AGFG1: variants seen among roughly 807,000 people sequenced by gnomAD.
The protein encoded by AGFG1 is ArfGAP with FG repeats 1.
A neutral mutation model predicts 60.6 loss-of-function variants in AGFG1; 10 were observed. The ratio of observed to expected loss-of-function variants is 0.16; its 90% CI spans 0.10 to 0.28. The LOEUF is 0.28. Among genes scored for constraint, AGFG1 ranks in the 10% least tolerant of loss-of-function variants. The probability of loss-of-function intolerance (pLI) is 1.00; values close to 1 mark genes in which losing one functional copy is unlikely to be tolerated. For missense variants in AGFG1, 537 were observed against 676.5 expected (o/e 0.79, Z 2.29); for synonymous variants, 247 against 242.9 (o/e 1.02, Z -0.16).
intron 2 of AGFG1, among the ~76,000 whole-genome samples, chr2:227,492,141 C>A (rs1369841036): frequency 6.6e-6 from 1 of 151,784 alleles, no homozygotes; most frequent in African/African-American, 2.4e-5. Context: ...TCATGGGGAG[C>A]CAGATGGTAT....
At chr2:227,537,319 A>T (rs545105544) in intron 10 of AGFG1, among the ~76,000 whole-genome samples, 1 of 152,284 alleles carries the variant, frequency 6.6e-6, no homozygotes, top group South Asian at 2.1e-4. Context: ...ATTTAGATGT[A>T]TTTGGTGGTC....
chr2:227,473,583 G>T (rs896887691), intron 1 of AGFG1, among the ~76,000 whole-genome samples: 3 of 152,220 alleles, frequency 2.0e-5, no homozygotes. Flanking sequence ...TTTTATTGCC[G>T]TGCAATTTCA....
At chr2:227,489,876 C>G (rs1690750500) in intron 1 of AGFG1, among the ~76,000 whole-genome samples, 1 of 151,492 alleles carries the variant, frequency 6.6e-6, no homozygotes, top group Non-Finnish European at 1.5e-5. Context: ...AGTGCAGTGG[C>G]ACGATCTTGG....
At chr2:227,547,315 ATTGCTGCTGAT>A (rs1433742126) in intron 10 of AGFG1, among the ~76,000 whole-genome samples, 1 of 151,938 alleles carries the variant, frequency 6.6e-6, no homozygotes, top group African/African-American at 2.4e-5. Flanking sequence ...TGTTTATAGA[ATTGCTGCTGAT>A]TTGCTCTCCT....
intron 2 of AGFG1, among the ~76,000 whole-genome samples, chr2:227,498,225 C>G: frequency 6.6e-6 from 1 of 151,928 alleles, no homozygotes; most frequent in East Asian, 1.9e-4. Flanking sequence ...CCAGTTGATT[C>G]CTAAACACAG....
rs140663629 is a variant in AGFG1 at position 227,503,650 on chromosome 2, A to G, written c.261+12010A>G. 1.4e-3 allele frequency among the ~76,000 whole-genome samples: 208 copies of G among 152,332 alleles called. 2 individuals carry two copies. The highest frequency in any genetic ancestry group is 9.8e-3 in the Admixed American group (150 of 15,302). On this transcript the variant is annotated intron_variant, in intron 2 of 12. Coordinates refer to ENST00000310078, the MANE Select transcript of AGFG1 (RefSeq NM_004504.5). Reference sequence around the variant, plus strand: ...CTCAGTCACCTTTGACCAGCTGCCCAAATTGAGATGACTGGGCTCTTTGGG... The same window carrying G: ...CTCAGTCACCTTTGACCAGCTGCCCGAATTGAGATGACTGGGCTCTTTGGG...
At position 227,472,371 on chromosome 2, in the gene AGFG1, A is replaced by C. The variant is rs1372411333; in HGVS notation, c.-51A>C. 1.1e-5 allele frequency: 12 copies of C among 1,139,718 alleles called. No individual in the cohort carries two copies. Among genetic ancestry groups the C allele is most frequent in the Non-Finnish European group, 1.3e-5 (12 of 918,664 alleles). The allele number at this position is 1,139,718 out of a possible 1,614,324, so 70.6% of individuals were successfully genotyped here. On this transcript the variant is annotated 5_prime_UTR_variant, in exon 1 of 13. Coordinates refer to ENST00000310078, the MANE Select transcript of AGFG1 (RefSeq NM_004504.5). ...CCGTGGGACCGCGGGCCCCCGGCGC[A>C]GCGCTGCCCGGCTCCCGGCCCTGCC...
At chr2:227,473,482 C>T (rs1243550563) in intron 1 of AGFG1, among the ~76,000 whole-genome samples, 6 of 152,112 alleles carry the variant, frequency 3.9e-5, no homozygotes, top group East Asian at 3.9e-4. Flanking sequence ...AGCAAGTCAC[C>T]ATGATTTCAG....
chr2:227,514,781 C>A (rs1691605617), intron 2 of AGFG1, among the ~76,000 whole-genome samples: 2 of 152,288 alleles, frequency 1.3e-5, no homozygotes, highest in South Asian at 4.1e-4. Flanking sequence ...TCCATTGTTG[C>A]ATATAATTCC....
intron 2 of AGFG1, among the ~76,000 whole-genome samples, chr2:227,506,975 A>T (rs1399379735): frequency 1.3e-5 from 2 of 152,104 alleles, no homozygotes; most frequent in South Asian, 2.1e-4. Context: ...CCACTATTTC[A>T]TAGGTTGTGT....
intron 5 of AGFG1, among the ~76,000 whole-genome samples, chr2:227,529,737 G>A (rs991853239): frequency 6.6e-6 from 1 of 151,946 alleles, no homozygotes; most frequent in African/African-American, 2.4e-5. Flanking sequence ...TATACTGTAG[G>A]ATCTAAACCC....
intron 10 of AGFG1, among the ~76,000 whole-genome samples, chr2:227,540,079 G>A (rs944687830): frequency 6.6e-6 from 1 of 152,000 alleles, no homozygotes; most frequent in East Asian, 1.9e-4. Flanking sequence ...CAAATGATCT[G>A]CCTGCCTCGG....
chr2:227,545,334 C>T (rs929361238), intron 10 of AGFG1, among the ~76,000 whole-genome samples: 1 of 152,182 alleles, frequency 6.6e-6, no homozygotes, highest in Non-Finnish European at 1.5e-5. Context: ...CTTCCCTACG[C>T]TGTTTATTTT....
intron 1 of AGFG1, among the ~76,000 whole-genome samples, chr2:227,486,094 A>G (rs894611145): frequency 1.3e-5 from 2 of 152,116 alleles, no homozygotes; most frequent in Admixed American, 1.3e-4. Context: ...TTTATTTCCC[A>G]TCCAGGGTCT....
chr2:227,555,384 T>C lies in AGFG1; in HGVS notation c.*889T>C, dbSNP rs897237770. Reference sequence around the variant, plus strand: ...ATTAATTTTGTGAAATTTGTATATATGAAGAATTTGCATGTATGTGTATTT... The same window carrying C: ...ATTAATTTTGTGAAATTTGTATATACGAAGAATTTGCATGTATGTGTATTT... On this transcript the variant is annotated 3_prime_UTR_variant, in exon 13 of 13. Transcript: ENST00000310078. The C allele has an allele frequency of 1.3e-5, 2 of 152,618 alleles. No homozygotes were observed. Among genetic ancestry groups the C allele is most frequent in the African/African-American group, 4.8e-5 (2 of 41,456 alleles). 9.5% of individuals were successfully genotyped at this position (152,618 alleles called of 1,614,324 possible).
At chr2:227,486,132 G>A (rs1471389595) in intron 1 of AGFG1, among the ~76,000 whole-genome samples, 1 of 152,178 alleles carries the variant, frequency 6.6e-6, no homozygotes, top group Admixed American at 6.5e-5. Flanking sequence ...AGATATCTGA[G>A]GTTGAGCTCT....
At position 227,472,600 on chromosome 2, in the gene AGFG1, G is replaced by T. The variant is rs1471705955; in HGVS notation, c.167+12G>T. 1 of 1,566,396 alleles carries T rather than the reference G, an allele frequency of 6.4e-7. No individual in the cohort carries two copies. Among genetic ancestry groups the T allele is most frequent in the Non-Finnish European group, 8.6e-7 (1 of 1,156,648 alleles). On this transcript the variant is annotated intron_variant, in intron 1 of 12. Transcript: ENST00000310078. ...TGCTCCGGCAGCCTGTGAGTGCGGG[G>T]CGGCCGGGCGGGTGTCGGGCCCTTC...
intron 2 of AGFG1, among the ~76,000 whole-genome samples, chr2:227,510,108 T>C (rs1691451127): frequency 1.3e-5 from 2 of 152,146 alleles, no homozygotes; most frequent in Non-Finnish European, 2.9e-5. Context: ...TTTATAAAGC[T>C]CTTTGTAATT....
At chr2:227,505,301 A>T (rs900011152) in intron 2 of AGFG1, among the ~76,000 whole-genome samples, 2 of 152,194 alleles carry the variant, frequency 1.3e-5, no homozygotes, top group East Asian at 3.9e-4. Context: ...TGCTTTGTGT[A>T]TGTGTATGTA....
Sources: gnomAD v4.1 joint callset for allele counts (sites outside exome capture counted in the v4.1 genomes callset) on GRCh38, gnomAD v4.1.1 for gene constraint, MANE v1.5 for transcripts, NCBI Gene and HGNC (gene_info 2026-07-23, HGNC 2026-07-21) for gene names.